The following DCX variants were observed in gnomAD, a reference collection of about 807,000 sequenced individuals.
DCX encodes neuronal migration protein doublecortin.
In DCX, 4 loss-of-function variants were observed where a neutral mutation model predicts 20.9. That is an observed-to-expected ratio of 0.19 (90% CI 0.09 to 0.44). The LOEUF is 0.44. Among genes scored for constraint, DCX ranks in the 20% least tolerant of loss-of-function variants. The pLI, the probability that DCX is intolerant of heterozygous loss-of-function variation, is 0.99. For synonymous variants in DCX, 103 were observed against 111.4 expected (o/e 0.92, Z 0.47); for missense variants, 133 against 296.9 (o/e 0.45, Z 4.06).
intron 3 of DCX, among the ~76,000 whole-genome samples, chrX:111,397,374 C>A (rs956022124): frequency 1.8e-5 from 2 of 111,554 alleles, no homozygotes; most frequent in African/African-American, 6.5e-5. Context: ...GCATTGGAAT[C>A]TCATCCAAGC....
intron 3 of DCX, among the ~76,000 whole-genome samples, chrX:111,366,483 G>A (rs1924644826): frequency 8.9e-6 from 1 of 112,007 alleles, no homozygotes; most frequent in Non-Finnish European, 1.9e-5. Context: ...CACAGGATCT[G>A]CTCTCTAAAC....
At chrX:111,389,339 T>C (rs1393918030) in intron 3 of DCX, among the ~76,000 whole-genome samples, 2 of 111,243 alleles carry the variant, frequency 1.8e-5, no homozygotes, top group Admixed American at 9.6e-5. Flanking sequence ...ACCCACCCAT[T>C]TAATGCAAAT....
At chrX:111,311,724 G>T (rs2095058133) in intron 6 of DCX, among the ~76,000 whole-genome samples, 1 of 112,322 alleles carries the variant, frequency 8.9e-6, no homozygotes, top group African/African-American at 3.2e-5. Context: ...AACCTCATAA[G>T]ATTATTTAGA....
chrX:111,348,486 G>A (rs1430076279), intron 3 of DCX, among the ~76,000 whole-genome samples: 2 of 111,434 alleles, frequency 1.8e-5, no homozygotes, highest in East Asian at 5.7e-4. Flanking sequence ...TCCCACTGGG[G>A]GCCTCTCAAG....
rs916402990 is a variant in DCX at position 111,318,450 on chromosome X, A to G, written c.947-5714T>C. ...ACCCAGCAATCTCATTATTGGGTATATACCCCAAGGAATATGAATCATTCT... is the reference window on the plus strand; with the variant it reads ...ACCCAGCAATCTCATTATTGGGTATGTACCCCAAGGAATATGAATCATTCT... On this transcript the variant is annotated intron_variant, in intron 5 of 6. Transcript: ENST00000636035. 1.2e-4 allele frequency among the ~76,000 whole-genome samples: 13 copies of G among 109,549 alleles called. No individual in the cohort carries two copies. The Admixed American group carries it at 1.3e-3, about 11-fold the overall frequency.
At chrX:111,372,611 C>A (rs1925191608) in intron 3 of DCX, among the ~76,000 whole-genome samples, 1 of 111,363 alleles carries the variant, frequency 9.0e-6, no homozygotes, top group South Asian at 3.8e-4. Context: ...TAATAGCCTA[C>A]CCTCACAGGT....
intron 3 of DCX, among the ~76,000 whole-genome samples, chrX:111,385,322 G>A (rs1353104344): frequency 8.9e-6 from 1 of 111,978 alleles, no homozygotes; most frequent in Non-Finnish European, 1.9e-5. Flanking sequence ...AAAACCTATA[G>A]CTTGCTGACC....
chrX:111,395,065 C>T (rs1461591426), intron 3 of DCX, among the ~76,000 whole-genome samples: 1 of 111,766 alleles, frequency 8.9e-6, no homozygotes, highest in Non-Finnish European at 1.9e-5. Flanking sequence ...CATTGGCAAT[C>T]CTTAGGAGCA....
chrX:111,324,470 A>G (rs777410321), intron 5 of DCX, among the ~76,000 whole-genome samples: 10 of 111,844 alleles, frequency 8.9e-5, no homozygotes, highest in African/African-American at 3.2e-4. Flanking sequence ...TTCAGTGGTT[A>G]AAATTGTGGA....
Position 111,333,058 on chromosome X carries a change from A to G in DCX, c.801T>C (p.Asp267=), listed in dbSNP as rs1292992545. The part of the protein sequence containing the change: ...FRYAQDDFSL[D]ENECRVMKGN... ...CCCAGTGGTTATGCTTACCATTTTC[A>G]TCCAGAGAAAAATCATCCTGAGCAT... The change falls in exon 4 of 7, where the codon GAT becomes GAC. Residue 267 remains aspartate, a synonymous_variant. Transcript: ENST00000636035. The G allele has an allele frequency of 1.7e-6, 2 of 1,200,073 alleles. No individual in the cohort carries two copies. Among genetic ancestry groups the G allele is most frequent in the Non-Finnish European group, 2.3e-6 (2 of 886,213 alleles).
chrX:111,346,000 T>C (rs1387251180), intron 3 of DCX, among the ~76,000 whole-genome samples: 1 of 111,255 alleles, frequency 9.0e-6, no homozygotes. Context: ...ATCAGTGATG[T>C]TGAGCTTTTT....
intron 3 of DCX, among the ~76,000 whole-genome samples, chrX:111,348,910 T>C (rs1426356378): frequency 9.0e-6 from 1 of 110,618 alleles, no homozygotes; most frequent in Non-Finnish European, 1.9e-5. Flanking sequence ...AAAGTTATTG[T>C]CTACCTGCAT....
intron 3 of DCX, among the ~76,000 whole-genome samples, chrX:111,357,312 G>A (rs899773651): frequency 8.9e-5 from 10 of 111,787 alleles, no homozygotes; most frequent in Admixed American, 5.7e-4. Flanking sequence ...GGATCACACT[G>A]TCCCCTGAAG....
chrX:111,410,818 C>T, intron 1 of DCX: 4 of 1,211,075 alleles, frequency 3.3e-6, no homozygotes, highest in Non-Finnish European at 4.5e-6. Context: ...TCTGTTTCCT[C>T]ACACATGCCC....
chrX:111,371,324 C>T (rs1189306006), intron 3 of DCX, among the ~76,000 whole-genome samples: 6 of 111,449 alleles, frequency 5.4e-5, no homozygotes, highest in Non-Finnish European at 1.1e-4. Flanking sequence ...CTAGGTAATT[C>T]CAAGTTGTAG....
At position 111,297,231 on chromosome X, in the gene DCX, C is replaced by T. The variant is rs2095023425; in HGVS notation, c.*4456G>A. 1 of 112,160 alleles carries T rather than the reference C, an allele frequency of 8.9e-6. No homozygotes were observed. The highest frequency in any genetic ancestry group is 3.2e-5 in the African/African-American group (1 of 30,818). The allele number at this position is 112,160 out of a possible 1,213,427, so 9.2% of individuals were successfully genotyped here. ...ACAACCATAAAAGAAGTCGTTCAAACCACTGTCCCAGTGTTTCTATCTGGG... is the reference window on the plus strand; with the variant it reads ...ACAACCATAAAAGAAGTCGTTCAAATCACTGTCCCAGTGTTTCTATCTGGG... On this transcript the variant is annotated 3_prime_UTR_variant, in exon 7 of 7. Transcript: ENST00000636035.
chrX:111,328,596 C>T (rs757434692), intron 5 of DCX, among the ~76,000 whole-genome samples: 2 of 112,094 alleles, frequency 1.8e-5, no homozygotes, highest in South Asian at 7.4e-4. Flanking sequence ...CTTCAACACT[C>T]TTTCCTTTAA....
chrX:111,342,104 A>G (rs906951861), intron 3 of DCX, among the ~76,000 whole-genome samples: 2 of 101,726 alleles, frequency 2.0e-5, no homozygotes, highest in Middle Eastern at 5.1e-3. Flanking sequence ...GTCAAGACCT[A>G]TTGGTGTGCT....
intron 5 of DCX, among the ~76,000 whole-genome samples, chrX:111,317,587 C>T (rs764406274): frequency 3.6e-5 from 4 of 111,096 alleles, no homozygotes; most frequent in Non-Finnish European, 7.5e-5. Context: ...TAAAGAGCTT[C>T]TGCACAGTGA....
Sources: allele counts gnomAD v4.1 joint callset (sites outside exome capture counted in the v4.1 genomes callset), GRCh38; gene constraint gnomAD v4.1.1; transcripts MANE v1.5; gene names NCBI Gene and HGNC (gene_info 2026-07-23, HGNC 2026-07-21).